PTGES3: variants seen among roughly 807,000 people sequenced by gnomAD.
PTGES3 encodes Hsp90 co-chaperone.
In PTGES3, 5 loss-of-function variants were observed where a neutral mutation model predicts 29.9. The observed-to-expected ratio is 0.17, with a 90% CI of 0.09 to 0.35. The LOEUF (loss-of-function observed/expected upper bound fraction) is 0.35, where lower values mean the gene tolerates loss of function less well. PTGES3 is among the 10% of genes least tolerant of loss of function. The probability of loss-of-function intolerance (pLI) is 1.00; values close to 1 mark genes in which losing one functional copy is unlikely to be tolerated. For missense variants in PTGES3, 128 were observed against 190.0 expected (o/e 0.67, Z 1.92); for synonymous variants, 49 against 57.8 (o/e 0.85, Z 0.69).
At chr12:56,678,475 C>G (rs1011865510) in intron 1 of PTGES3, among the ~76,000 whole-genome samples, 2 of 152,144 alleles carry the variant, frequency 1.3e-5, no homozygotes, top group African/African-American at 4.8e-5. Context: ...CCATACCCAG[C>G]CTGTTTTGTC....
At chr12:56,680,167 G>T (rs762060777) in intron 1 of PTGES3, among the ~76,000 whole-genome samples, 68 of 151,604 alleles carry the variant, frequency 4.5e-4, no homozygotes, top group Admixed American at 2.8e-3. Flanking sequence ...CACTTCCGGG[G>T]TTCAGGTGAT....
intron 1 of PTGES3, among the ~76,000 whole-genome samples, chr12:56,674,979 G>A (rs1330757523): frequency 8.9e-6 from 1 of 112,230 alleles, no homozygotes; most frequent in East Asian, 2.9e-4. Context: ...ACTCCAGCCT[G>A]GGCAACAAGA....
At chr12:56,670,133 T>C (rs1951947055) in intron 5 of PTGES3, 142 bp downstream of exon 5, 1 of 597,914 alleles carries the variant, frequency 1.7e-6, no homozygotes, top group Non-Finnish European at 3.0e-6. Context: ...TTAACATCTA[T>C]TTACTATGAC....
intron 7 of PTGES3, 88 bp from the exon 8 acceptor site, chr12:56,664,586 GA>G: frequency 6.9e-7 from 1 of 1,440,800 alleles, no homozygotes. Flanking sequence ...ACCAAAAATC[GA>G]AATACATAGT....
intron 1 of PTGES3, chr12:56,687,700 G>C: frequency 7.5e-7 from 1 of 1,336,088 alleles, no homozygotes; most frequent in Non-Finnish European, 9.6e-7. Flanking sequence ...GGGAGCTTAA[G>C]GCCTAGGGTG....
chr12:56,682,171 G>A lies in PTGES3; in HGVS notation c.2+5827C>T, dbSNP rs1480672366. ...TGACATTGGCACTATCAAATGAAGT[G>A]TGGCTTCATGTGAATGAGCACCTGA... On this transcript the variant is annotated intron_variant, in intron 1 of 7. Coordinates refer to ENST00000262033, the MANE Select transcript of PTGES3 (RefSeq NM_006601.7). Among the ~76,000 whole-genome samples, 4 of 152,220 alleles carry A rather than the reference G, an allele frequency of 2.6e-5. No homozygotes were observed. In the South Asian group the frequency reaches 6.2e-4, roughly 24 times the overall value.
chr12:56,671,887 C>T, intron 3 of PTGES3, 40 bp from the exon 4 acceptor site: 2 of 1,238,930 alleles, frequency 1.6e-6, no homozygotes, highest in Non-Finnish European at 2.3e-6. Context: ...ATCTTTCCAG[C>T]ATCACTACAT....
chr12:56,665,121 T>C (rs1346746565), intron 6 of PTGES3: 49 of 985,212 alleles, frequency 5.0e-5, no homozygotes, highest in Admixed American at 1.2e-4. Context: ...AATGGACTGA[T>C]AGAAGACAGT....
intron 1 of PTGES3, among the ~76,000 whole-genome samples, chr12:56,682,210 C>T (rs914726681): frequency 6.6e-6 from 1 of 152,144 alleles, no homozygotes; most frequent in East Asian, 1.9e-4. Context: ...ACAGAAAAGC[C>T]CCAACAGCAC....
intron 1 of PTGES3, among the ~76,000 whole-genome samples, chr12:56,679,434 A>T (rs1952425102): frequency 7.0e-6 from 1 of 142,990 alleles, no homozygotes; most frequent in African/African-American, 2.5e-5. Context: ...AAAAAAAAGC[A>T]TGGAATGTCC....
chr12:56,664,912 G>A (rs1307546294), intron 6 of PTGES3, 112 bp from the exon 7 acceptor site: 3 of 1,477,728 alleles, frequency 2.0e-6, no homozygotes, highest in Non-Finnish European at 2.7e-6. Context: ...GCACAGGTAG[G>A]TAGTCATATC....
intron 7 of PTGES3, 113 bp downstream of exon 7, chr12:56,664,663 C>CAAA (rs1363678735): frequency 7.0e-7 from 1 of 1,423,968 alleles, no homozygotes; most frequent in East Asian, 2.4e-5. Flanking sequence ...GTTATTTATT[C>CAAA]AAGGTCATAA....
intron 1 of PTGES3, among the ~76,000 whole-genome samples, chr12:56,683,609 C>T (rs1170282249): frequency 6.6e-6 from 1 of 151,642 alleles, no homozygotes; most frequent in African/African-American, 2.4e-5. Flanking sequence ...GAGATCGCAC[C>T]AGTTCACTCC....
chr12:56,667,963 C>T (rs1288026037), intron 5 of PTGES3, among the ~76,000 whole-genome samples: 3 of 152,112 alleles, frequency 2.0e-5, no homozygotes, highest in African/African-American at 7.2e-5. Flanking sequence ...CAAAAATTAG[C>T]CGGGCATGGT....
At chr12:56,683,917 G>C (rs1231635773) in intron 1 of PTGES3, among the ~76,000 whole-genome samples, 2 of 131,756 alleles carry the variant, frequency 1.5e-5, no homozygotes, top group African/African-American at 5.7e-5. Flanking sequence ...CCGAGATCGC[G>C]CCACTGCACT....
rs966814579 is a variant in PTGES3, at chr12:56,684,137, C to T, written c.2+3861G>A. 2.0e-5 allele frequency among the ~76,000 whole-genome samples: 3 copies of T among 152,074 alleles called. No individual in the cohort carries two copies. The Middle Eastern group carries it at 0.01, about 517-fold the overall frequency. On this transcript the variant is annotated intron_variant, in intron 1 of 7. Coordinates refer to ENST00000262033, the MANE Select transcript of PTGES3 (RefSeq NM_006601.7). ...GTTTAACAGCGAGATTGGTTCTGAA[C>T]AGTTGATATTTACAAAGGTTTTTTT...
chr12:56,671,956 G>C, intron 3 of PTGES3, 109 bp from the exon 4 acceptor site: 1 of 598,976 alleles, frequency 1.7e-6, no homozygotes, highest in Non-Finnish European at 2.6e-6. Flanking sequence ...ATTTTCTCTG[G>C]ACTCTGAAAC....
At chr12:56,680,962 G>A (rs1952508188) in intron 1 of PTGES3, among the ~76,000 whole-genome samples, 1 of 151,548 alleles carries the variant, frequency 6.6e-6, no homozygotes, top group Non-Finnish European at 1.5e-5. Context: ...TGTAGAGATG[G>A]GGTCTTACCT....
intron 1 of PTGES3, chr12:56,687,414 A>G (rs1952927801): frequency 1.0e-6 from 1 of 987,350 alleles, no homozygotes; most frequent in African/African-American, 1.7e-5. Context: ...GACTGGAAGT[A>G]CCCACACTCA....
Sources: allele counts gnomAD v4.1 joint callset (sites outside exome capture counted in the v4.1 genomes callset), GRCh38; gene constraint gnomAD v4.1.1; transcripts MANE v1.5; gene names NCBI Gene and HGNC (gene_info 2026-07-23, HGNC 2026-07-21).